PDZK1IP1: variants seen among roughly 807,000 people sequenced by gnomAD.
PDZK1IP1 encodes PDZK1 interacting protein 1.
In PDZK1IP1, 9 loss-of-function variants were observed where a neutral mutation model predicts 14.7. The ratio of observed to expected loss-of-function variants is 0.61; its 90% CI spans 0.37 to 1.07. The LOEUF (loss-of-function observed/expected upper bound fraction) is 1.07, where lower values mean the gene tolerates loss of function less well. Ranked by LOEUF, PDZK1IP1 falls within the 50% of genes least tolerant of loss-of-function variation. PDZK1IP1 has a pLI of 0.01. For missense variants in PDZK1IP1, 152 were observed against 148.7 expected, an observed-to-expected ratio of 1.02 and a Z score of -0.11; for synonymous variants, 70 against 61.2, an observed-to-expected ratio of 1.14 and a Z score of -0.67.
In PDZK1IP1 at chr1:47,187,358, A is replaced by G. The variant is rs1645326427; in HGVS notation, c.137T>C (p.Ile46Thr). ...AVAVFLVLVA[I>T]AFAVNHFWCQ... ...CCAGAAGTGGTTGACTGCAAAGGCG[A>G]TTGCAACGAGGACCAGGAACACGGC... Residue 46 changes from isoleucine (I) to threonine (T), a missense_variant, in exon 2 of 4, where the codon ATC becomes ACC. Ile to Thr is a moderately conservative substitution (Grantham distance 89). Transcript: ENST00000294338. 1.2e-6 allele frequency: 2 copies of G among 1,612,824 alleles called. No homozygotes were observed. Among genetic ancestry groups the G allele is most frequent in the Non-Finnish European group, 1.7e-6 (2 of 1,179,952 alleles).
In PDZK1IP1 at chr1:47,183,994, T is replaced by C. The variant is rs1367082104; in HGVS notation, c.322A>G (p.Lys108Glu). The C allele has an allele frequency of 6.3e-7, 1 of 1,598,766 alleles. No homozygotes were observed. Among genetic ancestry groups the C allele is most frequent in the African/African-American group, 1.3e-5 (1 of 74,806 alleles). ...AYENVPEEEG[K>E]VRSTPM ...GGTTACATCGGGGTGCTGCGGACCT[T>C]GCCTTCCTCCTCGGGCACATTCTCA... The change falls in exon 4 of 4, where the codon AAG (lysine) becomes GAG (glutamate). Residue 108 changes from lysine to glutamate, a missense_variant. Lys to Glu is a moderately conservative substitution (Grantham distance 56). Transcript: ENST00000294338.
chr1:47,189,633 A>G (rs1645340695), intron 1 of PDZK1IP1, among the ~76,000 whole-genome samples: 1 of 152,144 alleles, frequency 6.6e-6, no homozygotes. Context: ...CTTGGGCCTC[A>G]AATCCTGTTC....
At chr1:47,187,025 G>A (rs1645323856) in intron 2 of PDZK1IP1, among the ~76,000 whole-genome samples, 1 of 152,186 alleles carries the variant, frequency 6.6e-6, no homozygotes, top group African/African-American at 2.4e-5. Flanking sequence ...TGGCTCTGCG[G>A]AAACACCAAG....
At chr1:47,187,855 C>T (rs1174676552) in intron 1 of PDZK1IP1, among the ~76,000 whole-genome samples, 1 of 152,202 alleles carries the variant, frequency 6.6e-6, no homozygotes, top group African/African-American at 2.4e-5. Context: ...GAGGAGGACC[C>T]ACAGCTGACA....
chr1:47,185,313 A>G lies in PDZK1IP1; in HGVS notation c.177-216T>C, dbSNP rs1008063935. The G allele has an allele frequency of 7.9e-5, 43 of 541,544 alleles. 1 individual carries two copies. In the Admixed American group the frequency reaches 1.3e-3, roughly 17 times the overall value. The allele number at this position is 541,544 out of a possible 1,614,324, so 33.5% of individuals were successfully genotyped here. A position where few individuals can be genotyped will look rare whatever the true frequency, so the allele number is the denominator to read the frequency against. ...GTGGGGGGCCAAATATTTGCAAAAG[A>G]TTTATCCTGAGTCCAAAGCCTCTCT... is the stretch of plus-strand genomic sequence containing the variant. On this transcript the variant is annotated intron_variant, in intron 2 of 3. Transcript: ENST00000294338.
intron 3 of PDZK1IP1, 136 bp from the exon 4 acceptor site, chr1:47,184,179 C>A: frequency 1.4e-6 from 1 of 696,944 alleles, no homozygotes; most frequent in Non-Finnish European, 2.5e-6. Flanking sequence ...TTGTCCTGAC[C>A]ACATCTGGGC....
chr1:47,189,217 C>T (rs776146418), intron 1 of PDZK1IP1, among the ~76,000 whole-genome samples: 3 of 152,176 alleles, frequency 2.0e-5, no homozygotes, highest in African/African-American at 4.8e-5. Flanking sequence ...CCTGCAGAGT[C>T]CCCAGACTTT....
At chr1:47,188,970 C>T (rs1257028109) in intron 1 of PDZK1IP1, among the ~76,000 whole-genome samples, 3 of 152,224 alleles carry the variant, frequency 2.0e-5, no homozygotes, top group African/African-American at 7.2e-5. Context: ...ACCACAGTCC[C>T]TGCTCCTCCT....
chr1:47,185,236 C>T, intron 2 of PDZK1IP1, 139 bp from the exon 3 acceptor site: 3 of 671,708 alleles, frequency 4.5e-6, no homozygotes, highest in Non-Finnish European at 8.0e-6. Context: ...GGCATGTCAG[C>T]CGCGGCTACT....
chr1:47,183,820 T>C lies in PDZK1IP1; in HGVS notation c.*151A>G. On this transcript the variant is annotated 3_prime_UTR_variant, in exon 4 of 4. Transcript: ENST00000294338. ...GGTCTGAGCTCCAACCTTGGCTGGC[T>C]ATACTTCAAGGGCGGGTAGGGCCGG... 1.5e-6 allele frequency: 1 copy of C among 688,392 alleles called. No individual in the cohort carries two copies. The highest frequency in any genetic ancestry group is 2.5e-6 in the Non-Finnish European group (1 of 393,122). 42.6% of individuals were successfully genotyped at this position (688,392 alleles called of 1,614,324 possible).
chr1:47,187,167 A>T, intron 2 of PDZK1IP1, 152 bp downstream of exon 2: 1 of 635,938 alleles, frequency 1.6e-6, no homozygotes. Context: ...TCACCAACCC[A>T]CCCCATGACC....
At chr1:47,188,989 C>T (rs1026573143) in intron 1 of PDZK1IP1, among the ~76,000 whole-genome samples, 4 of 152,174 alleles carry the variant, frequency 2.6e-5, no homozygotes, top group Admixed American at 6.5e-5. Flanking sequence ...CTCCCATGCA[C>T]ATACAGCAAG....
chr1:47,188,389 A>G (rs1645332557), intron 1 of PDZK1IP1, among the ~76,000 whole-genome samples: 1 of 152,098 alleles, frequency 6.6e-6, no homozygotes, highest in Non-Finnish European at 1.5e-5. Flanking sequence ...CTGCTTCCCC[A>G]AAGGACTTTC....
Position 47,187,381 on chromosome 1 carries a change from G to T in PDZK1IP1, c.114C>A (p.Ala38=), listed in dbSNP as rs779800928. The T allele has an allele frequency of 6.2e-7, 1 of 1,612,828 alleles. No individual in the cohort carries two copies. The highest frequency in any genetic ancestry group is 1.3e-5 in the African/African-American group (1 of 75,040). The change falls in exon 2 of 4, where the codon GCC becomes GCA. Residue 38 remains alanine (A), a synonymous_variant. Coordinates refer to ENST00000294338, the MANE Select transcript of PDZK1IP1 (RefSeq NM_005764.4). ...CGATTGCAACGAGGACCAGGAACAC[G>T]GCCACCGCGATAAGGCCCTGCATCC... ...QPWMQGLIAV[A]VFLVLVAIAF...
Position 47,183,890 on chromosome 1 carries a change from A to T in PDZK1IP1, c.*81T>A. The T allele has an allele frequency of 4.9e-6, 6 of 1,214,878 alleles. No homozygotes were observed. In the South Asian group the frequency reaches 7.8e-5, roughly 16 times the overall value. 75.3% of individuals were successfully genotyped at this position (1,214,878 alleles called of 1,614,324 possible). ...AGCCCACTATTGCAGATTCCACACA[A>T]AGAAGGAGGGGGCTTGGGTGGTAGC... On this transcript the variant is annotated 3_prime_UTR_variant, in exon 4 of 4. Coordinates refer to ENST00000294338, the MANE Select transcript of PDZK1IP1 (RefSeq NM_005764.4).
chr1:47,186,927 C>G lies in PDZK1IP1; in HGVS notation c.176+392G>C, dbSNP rs923468998. On this transcript the variant is annotated intron_variant, in intron 2 of 3. Coordinates refer to ENST00000294338, the MANE Select transcript of PDZK1IP1 (RefSeq NM_005764.4). ...GCAGGAGGTGTGTCTGTCCCATGCCCTCTCTGTACCACAGCTGACCCACCC... is the reference window on the plus strand; with the variant it reads ...GCAGGAGGTGTGTCTGTCCCATGCCGTCTCTGTACCACAGCTGACCCACCC... 2.0e-5 allele frequency among the ~76,000 whole-genome samples: 3 copies of G among 152,228 alleles called. No homozygotes were observed. The East Asian group carries it at 5.8e-4, about 29-fold the overall frequency.
intron 3 of PDZK1IP1, among the ~76,000 whole-genome samples, chr1:47,184,356 CA>C (rs2148571980): frequency 7.3e-6 from 1 of 137,270 alleles, no homozygotes; most frequent in Non-Finnish European, 1.6e-5. Flanking sequence ...GCTCCATCCC[CA>C]ACTGAGTCCA....
At chr1:47,189,109 G>A (rs1645337514) in intron 1 of PDZK1IP1, among the ~76,000 whole-genome samples, 1 of 151,440 alleles carries the variant, frequency 6.6e-6, no homozygotes, top group Admixed American at 6.6e-5. Context: ...CCAAGACCTG[G>A]GAGACAGAGT....
At chr1:47,188,673 C>T (rs76727439) in intron 1 of PDZK1IP1, among the ~76,000 whole-genome samples, 1,731 of 152,288 alleles carry the variant, frequency 0.011, 14 homozygotes, top group Non-Finnish European at 0.019. Context: ...ACCTCTTCTC[C>T]GAGCCTGGCA....
Sources: allele counts gnomAD v4.1 joint callset (sites outside exome capture counted in the v4.1 genomes callset), GRCh38; gene constraint gnomAD v4.1.1; transcripts MANE v1.5; gene names NCBI Gene and HGNC (gene_info 2026-07-23, HGNC 2026-07-21).